The following LRRC2 variants were observed in gnomAD, a reference collection of about 807,000 sequenced individuals.
LRRC2 encodes leucine-rich repeat-containing protein 2.
Under a neutral mutation model 40.2 loss-of-function variants are expected in LRRC2, and 27 were observed. The observed-to-expected ratio is 0.67, with a 90% CI of 0.49 to 0.93. The LOEUF is 0.93. LRRC2 is among the 40% of genes least tolerant of loss of function. The pLI is 0.00. For synonymous variants in LRRC2, 147 were observed against 158.9 expected, an observed-to-expected ratio of 0.92 and a Z score of 0.56; for missense variants, 402 against 439.6, an observed-to-expected ratio of 0.91 and a Z score of 0.76.
intron 8 of LRRC2, among the ~76,000 whole-genome samples, chr3:46,520,968 G>T (rs909058942): frequency 1.3e-5 from 2 of 152,136 alleles, no homozygotes; most frequent in African/African-American, 4.8e-5. Context: ...GCCGGAATCT[G>T]GCGCTGGGAA....
intron 1 of LRRC2, among the ~76,000 whole-genome samples, chr3:46,555,666 TGTTGCA>T (rs1311576606): frequency 2.0e-5 from 3 of 152,228 alleles, no homozygotes; most frequent in Non-Finnish European, 2.9e-5. Context: ...CCCACCTTTA[TGTTGCA>T]GTTGTCTTAT....
Position 46,521,842 on chromosome 3 carries a change from C to T in LRRC2, c.930-184G>A, listed in dbSNP as rs914367177. 7.2e-5 allele frequency among the ~76,000 whole-genome samples: 11 copies of T among 152,280 alleles called. No individual in the cohort carries two copies. The East Asian group carries it at 2.1e-3, about 29-fold the overall frequency. ...GGAATAATCCAACAGTAATATAGAG[C>T]CAGTTTTAAAGTATAGACTTTTCAG... On this transcript the variant is annotated intron_variant, in intron 7 of 8. Coordinates refer to ENST00000395905, the MANE Select transcript of LRRC2 (RefSeq NM_024512.5).
rs530679181 is a variant in LRRC2 at position 46,533,345 on chromosome 3, G to A, written c.491-436C>T. Among the ~76,000 whole-genome samples, 14 of 152,206 alleles carry A rather than the reference G, an allele frequency of 9.2e-5. No individual in the cohort carries two copies. The South Asian group carries it at 2.3e-3, about 25-fold the overall frequency. ...GCAACTGGAGCACAGTGTCTATAGC[G>A]GCTCCTGGTTTCTAGAGCCCAAGGA... On this transcript the variant is annotated intron_variant, in intron 4 of 8. Coordinates refer to ENST00000395905, the MANE Select transcript of LRRC2 (RefSeq NM_024512.5).
intron 3 of LRRC2, among the ~76,000 whole-genome samples, chr3:46,541,995 T>C (rs1167575973): frequency 2.0e-5 from 3 of 152,022 alleles, no homozygotes; most frequent in Non-Finnish European, 2.9e-5. Context: ...TGAATGTGCA[T>C]TCATGAACAT....
chr3:46,563,694 T>C (rs1704995721), intron 1 of LRRC2, among the ~76,000 whole-genome samples: 1 of 152,246 alleles, frequency 6.6e-6, no homozygotes, highest in African/African-American at 2.4e-5. Flanking sequence ...TGTCTGTCCA[T>C]GGACCAAGCC....
At chr3:46,558,259 G>A (rs571171218) in intron 1 of LRRC2, 1 of 152,302 alleles carries the variant, frequency 6.6e-6, no homozygotes, top group East Asian at 1.9e-4. Context: ...TCACTTTAAA[G>A]GGCCAATATT....
intron 2 of LRRC2, among the ~76,000 whole-genome samples, chr3:46,550,375 A>AGGT (rs1704616185): frequency 7.7e-6 from 1 of 129,640 alleles, no homozygotes; most frequent in African/African-American, 3.0e-5. Flanking sequence ...CACCTTACAC[A>AGGT]TCTTTTTTTT....
intron 1 of LRRC2, among the ~76,000 whole-genome samples, chr3:46,560,312 C>T (rs1210067479): frequency 6.6e-6 from 1 of 152,180 alleles, no homozygotes; most frequent in Non-Finnish European, 1.5e-5. Flanking sequence ...AGGTGCCAGT[C>T]CCTCAGCAGC....
intron 3 of LRRC2, among the ~76,000 whole-genome samples, chr3:46,540,898 G>A (rs1227757120): frequency 6.6e-6 from 1 of 152,160 alleles, no homozygotes; most frequent in Non-Finnish European, 1.5e-5. Context: ...GCTGACCACA[G>A]GCTCATAATC....
At chr3:46,555,951 T>C (rs1019376867) in intron 1 of LRRC2, among the ~76,000 whole-genome samples, 4 of 152,232 alleles carry the variant, frequency 2.6e-5, no homozygotes, top group Non-Finnish European at 4.4e-5. Context: ...CTATTTTTGC[T>C]GGATATAGAA....
Position 46,521,424 on chromosome 3 carries a change from A to C in LRRC2, c.1066+98T>G, listed in dbSNP as rs144872619. 4.0e-4 allele frequency: 374 copies of C among 941,354 alleles called. 2 individuals are homozygous for C. In the East Asian group the frequency reaches 9.1e-3, roughly 23 times the overall value. 58.3% of individuals were successfully genotyped at this position (941,354 alleles called of 1,614,324 possible). A position where few individuals can be genotyped will look rare whatever the true frequency, so the allele number is the denominator to read the frequency against. ...TTACGAAGTAACGTGCCCCTCAACC[A>C]ATAAACTTTTTGTCAATTTGACTTC... is the stretch of plus-strand genomic sequence containing the variant. On this transcript the variant is annotated intron_variant, in intron 8 of 8. Coordinates refer to ENST00000395905, the MANE Select transcript of LRRC2 (RefSeq NM_024512.5).
chr3:46,531,802 A>C (rs1575347972), intron 5 of LRRC2, among the ~76,000 whole-genome samples: 1 of 152,154 alleles, frequency 6.6e-6, no homozygotes, highest in South Asian at 2.1e-4. Flanking sequence ...AGGAAAGGAA[A>C]ATAATGCCCC....
At chr3:46,557,533 C>T (rs1355173527) in intron 1 of LRRC2, 1 of 152,234 alleles carries the variant, frequency 6.6e-6, no homozygotes, top group Non-Finnish European at 1.5e-5. Flanking sequence ...TAGCTCTTCC[C>T]TATGCCATCT....
intron 3 of LRRC2, among the ~76,000 whole-genome samples, 154 bp from the exon 4 acceptor site, chr3:46,539,355 CAA>C (rs1704337165): frequency 6.6e-6 from 1 of 152,126 alleles, no homozygotes; most frequent in African/African-American, 2.4e-5. Context: ...AAAAAGAAAC[CAA>C]AGACACCGCA....
intron 4 of LRRC2, among the ~76,000 whole-genome samples, chr3:46,536,043 G>A (rs1250026898): frequency 5.3e-5 from 8 of 152,208 alleles, no homozygotes; most frequent in African/African-American, 1.9e-4. Context: ...CCTTCATGGT[G>A]TGATCGGGGG....
intron 5 of LRRC2, among the ~76,000 whole-genome samples, chr3:46,531,023 A>G (rs1704150671): frequency 6.6e-6 from 1 of 152,262 alleles, no homozygotes; most frequent in Admixed American, 6.5e-5. Flanking sequence ...CAATAGCAGG[A>G]GCCCCCCTGA....
At chr3:46,529,844 AAC>A (rs1165565098) in intron 6 of LRRC2, 59 bp downstream of exon 6, 110 of 1,532,768 alleles carry the variant, frequency 7.2e-5, no homozygotes, top group Non-Finnish European at 9.7e-5. Flanking sequence ...TTCAAATGTT[AAC>A]AGTGTTTGAA....
chr3:46,565,461 T>A (rs1485268765), intron 1 of LRRC2, among the ~76,000 whole-genome samples: 4 of 152,130 alleles, frequency 2.6e-5, no homozygotes, highest in Non-Finnish European at 5.9e-5. Flanking sequence ...AAACTAAGAA[T>A]CCCTGTCACC....
chr3:46,560,818 C>G (rs1043526391), intron 1 of LRRC2, among the ~76,000 whole-genome samples: 16 of 152,278 alleles, frequency 1.1e-4, no homozygotes, highest in South Asian at 6.2e-4. Context: ...AGAAGGAGAA[C>G]GGTGGCATCT....
Sources: gnomAD v4.1 joint callset for allele counts (sites outside exome capture counted in the v4.1 genomes callset) on GRCh38, gnomAD v4.1.1 for gene constraint, MANE v1.5 for transcripts, NCBI Gene and HGNC (gene_info 2026-07-23, HGNC 2026-07-21) for gene names.